PLEKHA8: variants seen among roughly 807,000 people sequenced by gnomAD.
PLEKHA8 encodes pleckstrin homology domain-containing family A member 8.
PLEKHA8 carries 36 observed loss-of-function variants against 68.2 expected under a neutral mutation model. The ratio of observed to expected loss-of-function variants is 0.53; its 90% confidence interval spans 0.40 to 0.70. PLEKHA8 has a LOEUF of 0.70. Among genes scored for constraint, PLEKHA8 ranks in the 30% least tolerant of loss-of-function variants. The pLI is 0.00. For missense variants in PLEKHA8, 505 were observed against 615.4 expected (o/e 0.82, Z 1.90); for synonymous variants, 211 against 216.1 (o/e 0.98, Z 0.20).
chr7:30,111,360 G>A (rs904370714), intron 13 of PLEKHA8, among the ~76,000 whole-genome samples: 2 of 152,002 alleles, frequency 1.3e-5, no homozygotes, highest in Admixed American at 6.6e-5. Flanking sequence ...CTTGATTTCT[G>A]TAACTTTGTA....
In PLEKHA8 at chr7:30,078,875, C is replaced by T; in HGVS notation, c.*88C>T. On this transcript the variant is annotated 3_prime_UTR_variant, in exon 14 of 14. Coordinates refer to ENST00000449726, the MANE Select transcript of PLEKHA8 (RefSeq NM_001197026.2). Reference sequence around the variant, plus strand: ...TTAATTTCCAGCAACAGCCTCAACCCTCTCCAACCCCTTCACCTGGGGGGA... The same window carrying T: ...TTAATTTCCAGCAACAGCCTCAACCTTCTCCAACCCCTTCACCTGGGGGGA... The T allele has an allele frequency of 6.7e-7, 1 of 1,488,450 alleles. No homozygotes were observed. The highest frequency in any genetic ancestry group is 8.9e-7 in the Non-Finnish European group (1 of 1,120,064). The allele number at this position is 1,488,450 out of a possible 1,614,324, so 92.2% of individuals were successfully genotyped here.
intron 13 of PLEKHA8, among the ~76,000 whole-genome samples, chr7:30,127,604 G>A (rs1375162454): frequency 6.6e-6 from 1 of 152,176 alleles, no homozygotes; most frequent in Non-Finnish European, 1.5e-5. Context: ...AAGGTGGACT[G>A]GTGTCTTCAA....
chr7:30,041,313 G>T (rs926159947), intron 1 of PLEKHA8, among the ~76,000 whole-genome samples: 2 of 152,034 alleles, frequency 1.3e-5, no homozygotes, highest in African/African-American at 4.8e-5. Flanking sequence ...GAATAAAATT[G>T]CCATATATTG....
chr7:30,037,001 C>G (rs914714463), intron 1 of PLEKHA8, among the ~76,000 whole-genome samples: 2 of 152,184 alleles, frequency 1.3e-5, no homozygotes, highest in South Asian at 2.1e-4. Flanking sequence ...GTCTGGAACT[C>G]CCCTAGAGAA....
downstream of PLEKHA8, among the ~76,000 whole-genome samples, chr7:30,085,526 A>T (rs1795149221): frequency 1.3e-5 from 2 of 152,172 alleles, no homozygotes; most frequent in Admixed American, 6.5e-5. Flanking sequence ...CTTGATGTCA[A>T]AGTAGTGTTG....
rs1274218305 is a variant in PLEKHA8 at position 30,081,916 on chromosome 7, C to T, written c.*3129C>T. ...TTTTCAATGATGGCAAGTCTCTTGA[C>T]TTTTGAAAGCAAGTCAGATTCCTTA... On this transcript the variant is annotated 3_prime_UTR_variant, in exon 14 of 14. Transcript: ENST00000449726. 1 of 973,564 alleles carries T rather than the reference C, an allele frequency of 1.0e-6. No homozygotes were observed. The highest frequency in any genetic ancestry group is 1.2e-6 in the Non-Finnish European group (1 of 819,338). 60.3% of individuals were successfully genotyped at this position (973,564 alleles called of 1,614,324 possible). A position where few individuals can be genotyped will look rare whatever the true frequency, so the allele number is the denominator to read the frequency against.
chr7:30,115,627 T>C (rs1471952531), intron 13 of PLEKHA8, among the ~76,000 whole-genome samples: 1 of 151,578 alleles, frequency 6.6e-6, no homozygotes, highest in Non-Finnish European at 1.5e-5. Flanking sequence ...CACACATACA[T>C]GTACACATAC....
intron 13 of PLEKHA8, chr7:30,115,717 C>T (rs1481393817): frequency 8.5e-6 from 1 of 117,922 alleles, no homozygotes; most frequent in Non-Finnish European, 1.9e-5. Context: ...TACATACGCG[C>T]ATGCATGCAT....
At chr7:30,067,804 C>T (rs1432159475) in intron 12 of PLEKHA8, among the ~76,000 whole-genome samples, 1 of 152,182 alleles carries the variant, frequency 6.6e-6, no homozygotes, top group East Asian at 1.9e-4. Flanking sequence ...GTAGTCCTGG[C>T]TCATTAATTT....
intron 12 of PLEKHA8, among the ~76,000 whole-genome samples, chr7:30,065,513 C>A (rs1263063779): frequency 6.6e-6 from 1 of 151,422 alleles, no homozygotes; most frequent in Non-Finnish European, 1.5e-5. Context: ...CCTGTAGGCT[C>A]CTTGATGCAT....
downstream of PLEKHA8, among the ~76,000 whole-genome samples, chr7:30,094,335 C>T (rs1554280241): frequency 1.3e-5 from 2 of 149,428 alleles, no homozygotes; most frequent in Admixed American, 6.7e-5. Flanking sequence ...AGTGTAGTGG[C>T]GCAATCTCGG....
At chr7:30,092,876 G>A (rs897042701), downstream of PLEKHA8, among the ~76,000 whole-genome samples, 4 of 152,154 alleles carry the variant, frequency 2.6e-5, no homozygotes, top group African/African-American at 9.7e-5. Context: ...ACGACATTTA[G>A]TCCTGAATCA....
rs984653129 is a variant in PLEKHA8 at position 30,082,515 on chromosome 7, A to G, written c.*3728A>G. On this transcript the variant is annotated 3_prime_UTR_variant, in exon 14 of 14. Coordinates refer to ENST00000449726, the MANE Select transcript of PLEKHA8 (RefSeq NM_001197026.2). Reference sequence around the variant, plus strand: ...TGTAGCTGGAAAGCGGGTGAATGACATGACATGGGGCACCTAGGAAAGATG... The same window carrying G: ...TGTAGCTGGAAAGCGGGTGAATGACGTGACATGGGGCACCTAGGAAAGATG... 11 of 985,294 alleles carry G rather than the reference A, an allele frequency of 1.1e-5. No homozygotes were observed. The African/African-American group carries it at 1.4e-4, about 13-fold the overall frequency. 61.0% of individuals were successfully genotyped at this position (985,294 alleles called of 1,614,324 possible).
chr7:30,096,757 G>C (rs1194068622), intron 13 of PLEKHA8, among the ~76,000 whole-genome samples: 1 of 152,196 alleles, frequency 6.6e-6, no homozygotes, highest in Admixed American at 6.5e-5. Flanking sequence ...ACAGCACACT[G>C]ATGGGTCTTG....
intron 13 of PLEKHA8, among the ~76,000 whole-genome samples, chr7:30,108,881 A>G (rs181982588): frequency 3.9e-5 from 6 of 152,298 alleles, no homozygotes; most frequent in Admixed American, 3.3e-4. Flanking sequence ...CCAGTAAACA[A>G]CAAGCAGTTA....
chr7:30,060,161 T>A (rs1170114407), intron 9 of PLEKHA8, among the ~76,000 whole-genome samples: 2 of 120,022 alleles, frequency 1.7e-5, no homozygotes, highest in Non-Finnish European at 3.5e-5. Flanking sequence ...CATTAATGAG[T>A]CTGAGCATGG....
chr7:30,086,270 C>T (rs774860519), downstream of PLEKHA8, among the ~76,000 whole-genome samples: 41 of 152,300 alleles, frequency 2.7e-4, no homozygotes, highest in Non-Finnish European at 5.0e-4. Flanking sequence ...GTGAGCAGTA[C>T]CCCACTGATC....
intron 3 of PLEKHA8, 83 bp from the exon 4 acceptor site, chr7:30,047,749 A>G (rs1452129627): frequency 7.1e-7 from 1 of 1,402,740 alleles, no homozygotes; most frequent in African/African-American, 1.5e-5. Context: ...CTAACTAGTA[A>G]GGATTCCTCT....
chr7:30,082,438 C>T lies in PLEKHA8; in HGVS notation c.*3651C>T. On this transcript the variant is annotated 3_prime_UTR_variant, in exon 14 of 14. Coordinates refer to ENST00000449726, the MANE Select transcript of PLEKHA8 (RefSeq NM_001197026.2). ...TGCCTGATCAGTGGGGATTCTGTTC[C>T]CCCACCCCCCAGACTGCAAGAGCTT... The T allele has an allele frequency of 1.0e-6, 1 of 985,276 alleles. No homozygotes were observed. Among genetic ancestry groups the T allele is most frequent in the Non-Finnish European group, 1.2e-6 (1 of 829,912 alleles). 61.0% of individuals were successfully genotyped at this position (985,276 alleles called of 1,614,324 possible). A position where few individuals can be genotyped will look rare whatever the true frequency, so the allele number is the denominator to read the frequency against.
Sources: allele counts gnomAD v4.1 joint callset (sites outside exome capture counted in the v4.1 genomes callset), GRCh38; gene constraint gnomAD v4.1.1; transcripts MANE v1.5; gene names NCBI Gene and HGNC (gene_info 2026-07-23, HGNC 2026-07-21).